WWOX: variants seen among roughly 807,000 people sequenced by gnomAD.
WWOX encodes WW domain-containing oxidoreductase.
Under a neutral mutation model 46.2 loss-of-function variants are expected in WWOX, and 69 were observed. The observed-to-expected ratio is 1.49, with a 90% CI of 1.23 to 1.82. The LOEUF (loss-of-function observed/expected upper bound fraction) is 1.82, where lower values mean the gene tolerates loss of function less well. Ranked by LOEUF, WWOX falls within the 40% of genes most tolerant of loss-of-function variation. The pLI, the probability that WWOX is intolerant of heterozygous loss-of-function variation, is 0.00. For missense variants in WWOX, 919 were observed against 542.6 expected, an observed-to-expected ratio of 1.69 and a Z score of -6.89; for synonymous variants, 359 against 202.6, an observed-to-expected ratio of 1.77 and a Z score of -6.56.
chr16:78,667,673 A>C (rs1255618834), intron 8 of WWOX, among the ~76,000 whole-genome samples: 2 of 138,784 alleles, frequency 1.4e-5, no homozygotes, highest in Admixed American at 1.5e-4. Context: ...TCCGTCTCAA[A>C]AAAAAAAAAA....
At chr16:78,402,083 GAA>G (rs1423903698) in intron 6 of WWOX, among the ~76,000 whole-genome samples, 3 of 152,178 alleles carry the variant, frequency 2.0e-5, no homozygotes, top group Non-Finnish European at 4.4e-5. Flanking sequence ...TTGAATTGCA[GAA>G]CAATTTCATC....
intron 8 of WWOX, among the ~76,000 whole-genome samples, chr16:78,603,786 G>A (rs550778838): frequency 1.3e-5 from 2 of 152,092 alleles, no homozygotes; most frequent in African/African-American, 4.8e-5. Context: ...GGAACAAGTG[G>A]GGTGGGGACA....
intron 8 of WWOX, among the ~76,000 whole-genome samples, chr16:78,599,206 T>G (rs61211375): frequency 0.069 from 10,436 of 152,258 alleles, 497 homozygotes; most frequent in South Asian, 0.22. Flanking sequence ...CCTCCAAGAA[T>G]GGGTCTGCGT....
intron 5 of WWOX, among the ~76,000 whole-genome samples, chr16:78,232,402 A>G (rs1313988673): frequency 3.3e-5 from 5 of 151,988 alleles, no homozygotes; most frequent in Non-Finnish European, 1.5e-5. Flanking sequence ...CTTGCTTGCA[A>G]CTTGTCAGGT....
intron 8 of WWOX, among the ~76,000 whole-genome samples, chr16:78,834,129 C>T (rs1169236101): frequency 2.0e-5 from 3 of 152,204 alleles, no homozygotes; most frequent in African/African-American, 7.2e-5. Flanking sequence ...CCTGTTAAGA[C>T]CAGTGATGCT....
intron 5 of WWOX, among the ~76,000 whole-genome samples, chr16:78,306,525 A>C (rs1191983032): frequency 6.6e-6 from 1 of 152,150 alleles, no homozygotes; most frequent in Non-Finnish European, 1.5e-5. Flanking sequence ...CTCTATTTAT[A>C]ATGTTGTTCC....
intron 8 of WWOX, among the ~76,000 whole-genome samples, chr16:78,641,939 C>T (rs966461938): frequency 2.0e-5 from 3 of 151,770 alleles, no homozygotes; most frequent in Admixed American, 6.6e-5. Flanking sequence ...ATCGCAGACA[C>T]GGAAAAAAGG....
chr16:78,878,318 G>C (rs1486656300), intron 8 of WWOX, among the ~76,000 whole-genome samples: 3 of 152,302 alleles, frequency 2.0e-5, no homozygotes, highest in East Asian at 1.9e-4. Context: ...ACATTGGGAA[G>C]TACAGACTTT....
intron 8 of WWOX, among the ~76,000 whole-genome samples, chr16:78,629,413 C>T (rs770272628): frequency 6.6e-6 from 1 of 152,196 alleles, no homozygotes; most frequent in Non-Finnish European, 1.5e-5. Context: ...TGCTTCCCCT[C>T]TTGACTCTCT....
chr16:78,779,328 G>A (rs74928761), intron 8 of WWOX, among the ~76,000 whole-genome samples: 7,349 of 152,168 alleles, frequency 0.048, 226 homozygotes, highest in East Asian at 0.15. Flanking sequence ...TTTATTTTTA[G>A]TAGAGAGGCA....
intron 8 of WWOX, among the ~76,000 whole-genome samples, chr16:78,818,933 C>T (rs191416520): frequency 2.3e-3 from 343 of 152,322 alleles, no homozygotes; most frequent in Non-Finnish European, 6.2e-4. Context: ...CCTAGACTTG[C>T]ACCCTGATTT....
chr16:78,654,159 G>A (rs967791848), intron 8 of WWOX, among the ~76,000 whole-genome samples: 1 of 152,238 alleles, frequency 6.6e-6, no homozygotes, highest in Non-Finnish European at 1.5e-5. Flanking sequence ...TTTAGAATCA[G>A]AAAGTGTGAG....
intron 8 of WWOX, among the ~76,000 whole-genome samples, chr16:78,665,007 G>C (rs1351524758): frequency 6.6e-6 from 1 of 152,202 alleles, no homozygotes; most frequent in African/African-American, 2.4e-5. Flanking sequence ...GACGTTTTCT[G>C]TGCAGCGGCT....
intron 8 of WWOX, among the ~76,000 whole-genome samples, chr16:78,612,578 C>G (rs991972648): frequency 6.6e-6 from 1 of 152,210 alleles, no homozygotes; most frequent in African/African-American, 2.4e-5. Context: ...TGGGCTCAAG[C>G]ATTCCTCCCA....
At chr16:78,396,938 T>A (rs2082300962) in intron 6 of WWOX, among the ~76,000 whole-genome samples, 1 of 152,248 alleles carries the variant, frequency 6.6e-6, no homozygotes, top group African/African-American at 2.4e-5. Flanking sequence ...GGTTTACTAC[T>A]CCTTGGACGG....
intron 5 of WWOX, among the ~76,000 whole-genome samples, chr16:78,271,133 A>ATAC (rs1254374405): frequency 6.6e-6 from 1 of 152,200 alleles, no homozygotes; most frequent in Non-Finnish European, 1.5e-5. Flanking sequence ...GTAACCAAGA[A>ATAC]TACATCTGTG....
intron 8 of WWOX, among the ~76,000 whole-genome samples, chr16:78,682,133 G>A (rs187435872): frequency 7.0e-4 from 106 of 152,304 alleles, no homozygotes; most frequent in African/African-American, 2.2e-3. Context: ...ATGGCCTTTG[G>A]TGTTACTGTT....
intron 8 of WWOX, among the ~76,000 whole-genome samples, chr16:79,044,280 G>C (rs891805369): frequency 2.3e-4 from 35 of 152,284 alleles, no homozygotes; most frequent in African/African-American, 8.2e-4. Flanking sequence ...CCAGCTGGCG[G>C]TCTGATACAG....
intron 5 of WWOX, among the ~76,000 whole-genome samples, chr16:78,309,391 G>T (rs35130461): frequency 0.051 from 7,762 of 152,168 alleles, 510 homozygotes; most frequent in African/African-American, 0.16. Context: ...TAAACATCTT[G>T]CCTTTATAAA....
Sources: gnomAD v4.1 joint callset for allele counts (sites outside exome capture counted in the v4.1 genomes callset) on GRCh38, gnomAD v4.1.1 for gene constraint, MANE v1.5 for transcripts, NCBI Gene and HGNC (gene_info 2026-07-23, HGNC 2026-07-21) for gene names.